The following GYS2 variants were observed in gnomAD, a reference collection of about 807,000 sequenced individuals.
The protein encoded by GYS2 is glycogen [starch] synthase, liver.
GYS2 carries 80 observed loss-of-function variants against 85.6 expected under a neutral mutation model. The observed-to-expected ratio is 0.93, with a 90% CI of 0.78 to 1.13. The LOEUF (loss-of-function observed/expected upper bound fraction) is 1.13. Ranked by LOEUF, GYS2 falls within the 50% of genes most tolerant of loss-of-function variation. The pLI is 0.00. For missense variants in GYS2, 881 were observed against 854.9 expected (o/e 1.03, Z -0.38); for synonymous variants, 328 against 300.7 (o/e 1.09, Z -0.94).
chr12:21,558,753 T>C (rs1944214372), intron 10 of GYS2, among the ~76,000 whole-genome samples: 1 of 152,224 alleles, frequency 6.6e-6, no homozygotes, highest in African/African-American at 2.4e-5. Context: ...GACTAAGAAA[T>C]ATTCTTTTCT....
chr12:21,596,620 G>A (rs248657), intron 1 of GYS2, among the ~76,000 whole-genome samples: 142,256 of 152,210 alleles, frequency 0.93, 66,953 homozygotes, highest in East Asian at 1. Context: ...AAAGCCATCT[G>A]TGACAAACCC....
chr12:21,537,257 AT>A, intron 15 of GYS2, 82 bp from the exon 16 acceptor site: 1 of 931,444 alleles, frequency 1.1e-6, no homozygotes, highest in Non-Finnish European at 1.7e-6. Flanking sequence ...TGCACTATCA[AT>A]TTTTTAAGTA....
At chr12:21,557,980 G>T (rs1944203795) in intron 11 of GYS2, among the ~76,000 whole-genome samples, 1 of 152,252 alleles carries the variant, frequency 6.6e-6, no homozygotes, top group Admixed American at 6.5e-5. Context: ...ATAAATGCTA[G>T]AATTGTAGCT....
At chr12:21,587,549 G>T (rs548494770) in intron 1 of GYS2, among the ~76,000 whole-genome samples, 6 of 152,214 alleles carry the variant, frequency 3.9e-5, no homozygotes, top group Non-Finnish European at 7.4e-5. Flanking sequence ...TGTGAAGAAG[G>T]ACATGTTTGT....
At chr12:21,576,821 C>G (rs1198408658) in intron 2 of GYS2, among the ~76,000 whole-genome samples, 1 of 151,984 alleles carries the variant, frequency 6.6e-6, no homozygotes, top group Non-Finnish European at 1.5e-5. Flanking sequence ...TAGTAATTTA[C>G]TTGTTCTTTT....
chr12:21,560,628 A>T (rs770611980), intron 7 of GYS2, 136 bp from the exon 8 acceptor site: 1 of 643,224 alleles, frequency 1.6e-6, no homozygotes, highest in Non-Finnish European at 2.8e-6. Flanking sequence ...TTTCACAGAG[A>T]GATTATATTC....
intron 13 of GYS2, among the ~76,000 whole-genome samples, chr12:21,541,783 T>G (rs1281963389): frequency 6.6e-6 from 1 of 152,062 alleles, no homozygotes; most frequent in East Asian, 1.9e-4. Flanking sequence ...TGAGGCTTGG[T>G]GTACAAATGA....
chr12:21,567,964 T>C (rs1465215247), intron 5 of GYS2, among the ~76,000 whole-genome samples: 2 of 151,542 alleles, frequency 1.3e-5, no homozygotes, highest in Admixed American at 6.6e-5. Context: ...TCCCAGCTAC[T>C]CGAGAGGCTG....
At chr12:21,561,581 T>C (rs904963585) in intron 7 of GYS2, among the ~76,000 whole-genome samples, 3 of 152,174 alleles carry the variant, frequency 2.0e-5, no homozygotes, top group African/African-American at 7.2e-5. Context: ...TTATGTCTAG[T>C]ATAATAGTAA....
intron 7 of GYS2, among the ~76,000 whole-genome samples, chr12:21,562,180 TG>T (rs1233454825): frequency 3.3e-5 from 5 of 152,280 alleles, no homozygotes; most frequent in Non-Finnish European, 4.4e-5. Context: ...TGATTTCACA[TG>T]GTTGGGAGTA....
At chr12:21,576,078 C>T (rs1414136466) in intron 2 of GYS2, 21 bp from the exon 3 acceptor site, 9 of 1,589,956 alleles carry the variant, frequency 5.7e-6, no homozygotes, top group South Asian at 1.1e-5. Context: ...AAGAACACAG[C>T]CATGTAGTGA....
chr12:21,532,713 G>A (rs1270878147), downstream of GYS2: 2 of 152,148 alleles, frequency 1.3e-5, no homozygotes, highest in Non-Finnish European at 2.9e-5. Flanking sequence ...TGTACAAATT[G>A]ACTATTCAAA....
At position 21,546,889 on chromosome 12, in the gene GYS2, C is replaced by A. The variant is rs1343381963; in HGVS notation, c.1423-419G>T. 3.9e-5 allele frequency among the ~76,000 whole-genome samples: 6 copies of A among 152,224 alleles called. No homozygotes were observed. The East Asian group carries it at 9.6e-4, about 24-fold the overall frequency. On this transcript the variant is annotated intron_variant, in intron 11 of 15. Coordinates refer to ENST00000261195, the MANE Select transcript of GYS2 (RefSeq NM_021957.4). ...CTGTGTAACAGACCACTCTTACATGCCTTAAGCATGAGTTATTCAACTGAA... is the reference window on the plus strand; with the variant it reads ...CTGTGTAACAGACCACTCTTACATGACTTAAGCATGAGTTATTCAACTGAA...
At chr12:21,589,166 G>A (rs568213281) in intron 1 of GYS2, among the ~76,000 whole-genome samples, 2 of 152,126 alleles carry the variant, frequency 1.3e-5, no homozygotes, top group East Asian at 3.9e-4. Context: ...ATCCTTGTTT[G>A]TTAGATTACG....
chr12:21,562,379 A>G (rs1216571595), intron 7 of GYS2, among the ~76,000 whole-genome samples: 3 of 151,922 alleles, frequency 2.0e-5, no homozygotes, highest in Non-Finnish European at 4.4e-5. Flanking sequence ...GGCACGTGCT[A>G]CTCTGAAGGC....
chr12:21,547,581 AC>A (rs1944056918), intron 11 of GYS2, among the ~76,000 whole-genome samples: 1 of 152,190 alleles, frequency 6.6e-6, no homozygotes, highest in African/African-American at 2.4e-5. Flanking sequence ...AAACTATGGA[AC>A]CAGTGAAAAG....
chr12:21,582,865 A>G (rs1944528448), intron 1 of GYS2, among the ~76,000 whole-genome samples: 1 of 152,180 alleles, frequency 6.6e-6, no homozygotes, highest in African/African-American at 2.4e-5. Context: ...AGTTATGCAA[A>G]ATAAATGCAT....
At chr12:21,591,951 A>G (rs1281391543) in intron 1 of GYS2, among the ~76,000 whole-genome samples, 8 of 152,260 alleles carry the variant, frequency 5.3e-5, no homozygotes, top group South Asian at 2.1e-4. Flanking sequence ...ATTTGAAGGA[A>G]TTCACTATCA....
intron 1 of GYS2, among the ~76,000 whole-genome samples, chr12:21,603,788 G>A (rs564025016): frequency 2.0e-5 from 3 of 152,086 alleles, no homozygotes; most frequent in Non-Finnish European, 4.4e-5. Context: ...TTTTACAGAT[G>A]TCTTTATTTT....
Sources: gnomAD v4.1 joint callset for allele counts (sites outside exome capture counted in the v4.1 genomes callset) on GRCh38, gnomAD v4.1.1 for gene constraint, MANE v1.5 for transcripts, NCBI Gene and HGNC (gene_info 2026-07-23, HGNC 2026-07-21) for gene names.